Variants in THRB observed in about 807,000 individuals in gnomAD.
THRB encodes nuclear receptor subfamily 1 group A member 2.
In THRB, 12 loss-of-function variants were observed where a neutral mutation model predicts 47.8. The observed-to-expected ratio is 0.25, with a 90% CI of 0.16 to 0.41. THRB has a LOEUF of 0.41. Ranked by LOEUF, THRB falls within the 10% of genes least tolerant of loss-of-function variation. THRB has a pLI of 1.00. For synonymous variants in THRB, 218 were observed against 212.2 expected, an observed-to-expected ratio of 1.03 and a Z score of -0.24; for missense variants, 348 against 589.2, an observed-to-expected ratio of 0.59 and a Z score of 4.24.
chr3:24,197,908 T>C (rs2044142087), intron 4 of THRB, among the ~76,000 whole-genome samples: 1 of 152,212 alleles, frequency 6.6e-6, no homozygotes, highest in Non-Finnish European at 1.5e-5. Context: ...AAACCAACCG[T>C]GTTTTTACTT....
rs553434633 is a variant in THRB, at chr3:24,122,583, C to T, written c.*301G>A. On this transcript the variant is annotated 3_prime_UTR_variant, in exon 11 of 11. Transcript: ENST00000646209. ...CATTTTGCTGACTCAAGTCTTGGACCAGGGACGGGTGGGAGCTGGTGATGC... is the reference window on the plus strand; with the variant it reads ...CATTTTGCTGACTCAAGTCTTGGACTAGGGACGGGTGGGAGCTGGTGATGC... The T allele has an allele frequency of 9.6e-4, 416 of 432,752 alleles. No individual in the cohort carries two copies. Among genetic ancestry groups the T allele is most frequent in the South Asian group, 2.0e-3 (90 of 45,796 alleles). The allele number at this position is 432,752 out of a possible 1,614,324, so 26.8% of individuals were successfully genotyped here.
intron 1 of THRB, chr3:24,348,552 G>C (rs1323429252): frequency 1.3e-5 from 2 of 152,156 alleles, no homozygotes; most frequent in Non-Finnish European, 2.9e-5. Flanking sequence ...TAGTGAGCCC[G>C]CTCACCTGGC....
rs1290678848 is a variant in THRB, at chr3:24,346,065, A to G, written c.-260-8694T>C. 2.6e-5 allele frequency among the ~76,000 whole-genome samples: 4 copies of G among 152,248 alleles called. No individual in the cohort carries two copies. The South Asian group carries it at 6.2e-4, about 24-fold the overall frequency. On this transcript the variant is annotated intron_variant, in intron 1 of 10. Coordinates refer to ENST00000646209, the MANE Select transcript of THRB (RefSeq NM_001354712.2). Reference sequence around the variant, plus strand: ...ATCCCAGATGGGAGCTTGGAAACACAGGAAGGAATGATGAACAACAGAAAT... The same window carrying G: ...ATCCCAGATGGGAGCTTGGAAACACGGGAAGGAATGATGAACAACAGAAAT...
intron 1 of THRB, among the ~76,000 whole-genome samples, chr3:24,374,936 A>G (rs2065164260): frequency 6.6e-6 from 1 of 152,150 alleles, no homozygotes; most frequent in African/African-American, 2.4e-5. Flanking sequence ...CTTACCAGGC[A>G]TGTAAAAAGT....
At position 24,150,390 on chromosome 3, in the gene THRB, G is replaced by A. The variant is rs542347762; in HGVS notation, c.384+2000C>T. Among the ~76,000 whole-genome samples, 95 of 152,150 alleles carry A rather than the reference G, an allele frequency of 6.2e-4. 1 individual carries two copies. In the South Asian group the frequency reaches 0.016, roughly 25 times the overall value. ...GCTTTGTCATTATATTAAGTGATCC[G>A]CACAAGTACCCTGGGAAGGCTCTTC... On this transcript the variant is annotated intron_variant, in intron 6 of 10. Transcript: ENST00000646209.
intron 1 of THRB, among the ~76,000 whole-genome samples, chr3:24,381,825 A>C (rs1035614411): frequency 6.6e-6 from 1 of 152,142 alleles, no homozygotes; most frequent in African/African-American, 2.4e-5. Flanking sequence ...GAAAACAAAA[A>C]GGTCTCGGGG....
intron 5 of THRB, among the ~76,000 whole-genome samples, chr3:24,167,207 G>A (rs2149309250): frequency 6.6e-6 from 1 of 152,224 alleles, no homozygotes; most frequent in African/African-American, 2.4e-5. Flanking sequence ...CCTATGTGGA[G>A]GATAGTAATA....
chr3:24,210,189 T>C (rs1024497685), intron 4 of THRB, among the ~76,000 whole-genome samples: 2 of 152,206 alleles, frequency 1.3e-5, no homozygotes, highest in Non-Finnish European at 2.9e-5. Flanking sequence ...TGGGAGGCCC[T>C]ATCTACAACT....
chr3:24,238,263 ATG>A (rs3034410), intron 3 of THRB, among the ~76,000 whole-genome samples: 803 of 33,878 alleles, frequency 0.024, 29 homozygotes, highest in East Asian at 0.031. Flanking sequence ...GTGTGTGTGT[ATG>A]TGTGTGTGTG....
At chr3:24,358,336 G>C (rs560731133) in intron 1 of THRB, among the ~76,000 whole-genome samples, 2 of 152,098 alleles carry the variant, frequency 1.3e-5, no homozygotes, top group African/African-American at 4.8e-5. Context: ...TTTGGGTTTT[G>C]TGTCTTGCTT....
intron 1 of THRB, among the ~76,000 whole-genome samples, chr3:24,344,601 A>G (rs2062888766): frequency 6.6e-6 from 1 of 152,034 alleles, no homozygotes; most frequent in Admixed American, 6.6e-5. Context: ...TAATGTACTA[A>G]ATTCCCAGCA....
chr3:24,299,645 C>A lies in THRB; in HGVS notation c.-188-2274G>T, dbSNP rs550087699. On this transcript the variant is annotated intron_variant, in intron 2 of 10. Transcript: ENST00000646209. ...CAGTTTCTGTGGTCATAAAAACTTTCTTTTTTTTTCCTATTTGTTAACAGA... is the reference window on the plus strand; with the variant it reads ...CAGTTTCTGTGGTCATAAAAACTTTATTTTTTTTTCCTATTTGTTAACAGA... Among the ~76,000 whole-genome samples, 130 of 150,390 alleles carry A rather than the reference C, an allele frequency of 8.6e-4. 1 individual carries two copies. The highest frequency in any genetic ancestry group is 1.5e-3 in the South Asian group (7 of 4,776).
Position 24,479,481 on chromosome 3 carries a change from G to A in THRB, c.-261+15171C>T, listed in dbSNP as rs190679933. On this transcript the variant is annotated intron_variant, in intron 1 of 10. Transcript: ENST00000646209. ...GACAAGAACAAGCTATTAGGAGAGA[G>A]AGCATGCACTCACCATGACCAGTAG... Among the ~76,000 whole-genome samples the A allele has an allele frequency of 5.9e-5, 9 of 152,300 alleles. No homozygotes were observed. The East Asian group carries it at 1.7e-3, about 29-fold the overall frequency.
intron 1 of THRB, among the ~76,000 whole-genome samples, chr3:24,357,279 C>G (rs2063732873): frequency 8.4e-6 from 1 of 118,910 alleles, no homozygotes; most frequent in Admixed American, 1.2e-4. Context: ...AGCAAGGAGT[C>G]AAGCAGAAAG....
At chr3:24,144,755 A>C (rs1373780392) in intron 7 of THRB, 1 of 152,148 alleles carries the variant, frequency 6.6e-6, no homozygotes, top group East Asian at 1.9e-4. Flanking sequence ...TCACAGAAAG[A>C]AGAAGAAATT....
At chr3:24,435,004 G>A (rs1333305231) in intron 1 of THRB, among the ~76,000 whole-genome samples, 1 of 152,178 alleles carries the variant, frequency 6.6e-6, no homozygotes, top group African/African-American at 2.4e-5. Flanking sequence ...GGTAAAATCT[G>A]GTAGAGGTAT....
At chr3:24,439,378 A>G (rs1432403688) in intron 1 of THRB, among the ~76,000 whole-genome samples, 1 of 152,170 alleles carries the variant, frequency 6.6e-6, no homozygotes, top group Non-Finnish European at 1.5e-5. Context: ...AACTCCAGGT[A>G]GGTGGTCTAA....
chr3:24,157,804 TA>T, intron 5 of THRB, among the ~76,000 whole-genome samples: 1 of 152,366 alleles, frequency 6.6e-6, no homozygotes, highest in Non-Finnish European at 1.5e-5. Context: ...GTGTTGGGAC[TA>T]CAGGCATGAG....
chr3:24,147,034 A>G (rs996568290), intron 6 of THRB, among the ~76,000 whole-genome samples: 1 of 152,208 alleles, frequency 6.6e-6, no homozygotes, highest in Non-Finnish European at 1.5e-5. Flanking sequence ...AGGACTACAG[A>G]GTCAACACCT....
Sources: gnomAD v4.1 joint callset for allele counts (sites outside exome capture counted in the v4.1 genomes callset) on GRCh38, gnomAD v4.1.1 for gene constraint, MANE v1.5 for transcripts, NCBI Gene and HGNC (gene_info 2026-07-23, HGNC 2026-07-21) for gene names.